Variants in UBE4A observed in about 807,000 individuals in gnomAD.
UBE4A encodes ubiquitination factor E4A.
In UBE4A, 48 loss-of-function variants were observed where a neutral mutation model predicts 117.9. The ratio of observed to expected loss-of-function variants is 0.41; its 90% CI spans 0.32 to 0.52. The LOEUF is 0.52. Among genes scored for constraint, UBE4A ranks in the 20% least tolerant of loss-of-function variants. The pLI is 0.33. For missense variants in UBE4A, 1,067 were observed against 1,296.3 expected (o/e 0.82, Z 2.72); for synonymous variants, 407 against 450.0 (o/e 0.90, Z 1.21).
intron 11 of UBE4A, among the ~76,000 whole-genome samples, chr11:118,381,188 A>G (rs1948702110): frequency 6.6e-6 from 1 of 152,216 alleles, no homozygotes; most frequent in Non-Finnish European, 1.5e-5. Flanking sequence ...TACTGTTCAT[A>G]TATTTACTTG....
chr11:118,379,655 TA>T lies in UBE4A; in HGVS notation c.1782del (p.Leu595TrpfsTer6). On this transcript the variant is annotated frameshift_variant, in exon 11 of 20. Transcript: ENST00000252108. LOFTEE classifies it high-confidence loss of function. ...AACTTGCAGGTGTCCATGGCTGTTC[TA>T]CTGGTTCAACTGGCCATAGGCAATG... ...CLNLQVSMAV[L>X]LVQLAIGNEG... 1 of 1,614,244 alleles carries T rather than the reference TA, an allele frequency of 6.2e-7. No individual in the cohort carries two copies. The highest frequency in any genetic ancestry group is 8.5e-7 in the Non-Finnish European group (1 of 1,180,034).
chr11:118,377,015 TG>T (rs1948658463), intron 10 of UBE4A, among the ~76,000 whole-genome samples: 2 of 151,964 alleles, frequency 1.3e-5, no homozygotes, highest in South Asian at 4.1e-4. Flanking sequence ...ATTGTGCAAC[TG>T]TACTCCATCC....
At position 118,367,219 on chromosome 11, in the gene UBE4A, TG is replaced by T. The variant is rs1948571030; in HGVS notation, c.122-1409del. Among the ~76,000 whole-genome samples the T allele has an allele frequency of 2.9e-5, 4 of 138,462 alleles. No homozygotes were observed. The South Asian group carries it at 9.4e-4, about 33-fold the overall frequency. The allele number at this position is 138,462 out of a possible 152,430, so 90.8% of individuals were successfully genotyped here. On this transcript the variant is annotated intron_variant, in intron 2 of 19. Coordinates refer to ENST00000252108, the MANE Select transcript of UBE4A (RefSeq NM_001204077.2). ...CATCTCAAAAAAAAAAATCAAAGGA[TG>T]GGAGCAGATTTTGAGGACAGAAGTT...
chr11:118,381,660 C>T, intron 12 of UBE4A, 137 bp downstream of exon 12: 1 of 1,162,832 alleles, frequency 8.6e-7, no homozygotes, highest in East Asian at 2.4e-5. Flanking sequence ...AATCACCTGA[C>T]CATCCATATG....
At chr11:118,365,738 G>T (rs1396136407) in intron 2 of UBE4A, among the ~76,000 whole-genome samples, 1 of 152,216 alleles carries the variant, frequency 6.6e-6, no homozygotes, top group Non-Finnish European at 1.5e-5. Context: ...GGCATCATTT[G>T]TAGCTTAGTC....
rs2134092806 is a variant in UBE4A, at chr11:118,373,642, C to T, written c.1073C>T (p.Ser358Phe). ...NHGYFLNPSR[S>F]SPQEIKVQEA... Reference sequence around the variant, plus strand: ...GGCTACTTTTTGAATCCATCTCGTTCCAGCCCCCAGGAGATCAAAGTACAG... The same window carrying T: ...GGCTACTTTTTGAATCCATCTCGTTTCAGCCCCCAGGAGATCAAAGTACAG... The change falls in exon 8 of 20, where the codon TCC (serine) becomes TTC (phenylalanine). Residue 358 changes from serine (S) to phenylalanine (F), a missense_variant. By Grantham distance (155) the Ser-to-Phe change is radical. This residue lies in a region of UBE4A where 1,001 missense variants were observed against 1,184.0 expected (regional missense o/e 0.85). Transcript: ENST00000252108. 6.2e-7 allele frequency: 1 copy of T among 1,614,138 alleles called. No individual in the cohort carries two copies. Among genetic ancestry groups the T allele is most frequent in the Non-Finnish European group, 8.5e-7 (1 of 1,180,020 alleles).
rs753747653 is a variant in UBE4A at position 118,373,253 on chromosome 11, C to A, written c.889C>A (p.Leu297Ile). ...CCTTTTGTATGCATATCTGGATATT[C>A]TTCTCTATTTCACTAGGCAAAAAGA... ...QILLYAYLDI[L>I]LYFTRQKDMA... The change falls in exon 7 of 20, where the codon CTT becomes ATT. Residue 297 changes from leucine (L) to isoleucine (I), a missense_variant. Physicochemically the swap from Leu to Ile is conservative, Grantham distance 5 (BLOSUM62 2). Coordinates refer to ENST00000252108, the MANE Select transcript of UBE4A (RefSeq NM_001204077.2). 5.0e-6 allele frequency: 8 copies of A among 1,612,940 alleles called. No homozygotes were observed. Among genetic ancestry groups the A allele is most frequent in the Middle Eastern group, 1.9e-4 (1 of 5,316 alleles).
chr11:118,367,549 C>G (rs1028258553), intron 2 of UBE4A, among the ~76,000 whole-genome samples: 5 of 127,788 alleles, frequency 3.9e-5, no homozygotes, highest in South Asian at 2.5e-4. Flanking sequence ...GAGACGAAGT[C>G]TTGCTCTGTC....
chr11:118,362,864 C>A lies in UBE4A; in HGVS notation c.-41-2176C>A, dbSNP rs146024799. On this transcript the variant is annotated intron_variant, in intron 1 of 19. Transcript: ENST00000252108. ...TGCTTTGGCTGGAAAATGCTGTATT[C>A]TTTTTAGCCTGGCCAGACTTGTATG... is the stretch of plus-strand genomic sequence containing the variant. Among the ~76,000 whole-genome samples the A allele has an allele frequency of 3.6e-4, 55 of 152,298 alleles. 1 individual carries two copies. Among genetic ancestry groups the A allele is most frequent in the African/African-American group, 1.0e-3 (43 of 41,568 alleles).
At chr11:118,392,596 G>T in intron 18 of UBE4A, 142 bp from the exon 19 acceptor site, 1 of 704,958 alleles carries the variant, frequency 1.4e-6, no homozygotes. Flanking sequence ...AGAAAATGAA[G>T]CTCACGTGTG....
rs368527058 is a variant in UBE4A, at chr11:118,368,621, T to C, written c.122-10T>C. On this transcript the variant is annotated splice_polypyrimidine_tract_variant and intron_variant, in intron 2 of 19. Coordinates refer to ENST00000252108, the MANE Select transcript of UBE4A (RefSeq NM_001204077.2). ...GGGTGTAACATTTAACAGTATACAT[T>C]TTCTGGCAGATGAACTCCCAGCTAG... 151 of 1,613,884 alleles carry C rather than the reference T, an allele frequency of 9.4e-5. No homozygotes were observed. In the Middle Eastern group the frequency reaches 4.3e-3, roughly 46 times the overall value.
chr11:118,377,381 A>T (rs530598461), intron 10 of UBE4A, among the ~76,000 whole-genome samples: 1 of 151,632 alleles, frequency 6.6e-6, no homozygotes, highest in African/African-American at 2.4e-5. Context: ...CTGATTTTGT[A>T]TTTTTTTAGT....
In UBE4A at chr11:118,369,539, A is replaced by ATATTC. The variant is rs780076069; in HGVS notation, c.408+6_408+10dup. 20 of 1,611,684 alleles carry ATATTC rather than the reference A, an allele frequency of 1.2e-5. No individual in the cohort carries two copies. The highest frequency in any genetic ancestry group is 1.6e-5 in the Non-Finnish European group (19 of 1,177,846). On this transcript the variant is annotated splice_donor_region_variant and intron_variant, in intron 4 of 19. Transcript: ENST00000252108. The stretch of plus-strand genomic sequence containing the variant: ...TGATATGAGCAATGTTGAGCAGGTA[A>ATATTC]TATTCTTACGTTCCTAATGTGTGCC...
chr11:118,370,470 A>G (rs2134090193), intron 4 of UBE4A, among the ~76,000 whole-genome samples: 1 of 152,144 alleles, frequency 6.6e-6, no homozygotes, highest in East Asian at 1.9e-4. Context: ...AAATACAAAG[A>G]ATTAACTGGG....
At chr11:118,374,258 T>A (rs1948632533) in intron 8 of UBE4A, among the ~76,000 whole-genome samples, 1 of 152,200 alleles carries the variant, frequency 6.6e-6, no homozygotes, top group African/African-American at 2.4e-5. Flanking sequence ...GAGCTATAAC[T>A]TTAGCTCTGA....
chr11:118,384,591 T>TA (rs782453072), intron 13 of UBE4A, 44 bp from the exon 14 acceptor site: 12 of 1,557,008 alleles, frequency 7.7e-6, no homozygotes, highest in Non-Finnish European at 1.1e-5. Flanking sequence ...CTCTTCCTCT[T>TA]ATGGCACCGC....
At chr11:118,394,832 A>G (rs1278443215) in intron 19 of UBE4A, among the ~76,000 whole-genome samples, 4 of 149,882 alleles carry the variant, frequency 2.7e-5, no homozygotes, top group African/African-American at 9.8e-5. Context: ...TTAGCCAAGT[A>G]TAATGGCACA....
chr11:118,376,589 C>G lies in UBE4A; in HGVS notation c.1466C>G (p.Thr489Ser), dbSNP rs782189041. Reference sequence around the variant, plus strand: ...CTTCTTTGAGGTTTGGACAAAGAAACCTGTTTGATCCCAGCTGTGCAGGAG... The same window carrying G: ...CTTCTTTGAGGTTTGGACAAAGAAAGCTGTTTGATCCCAGCTGTGCAGGAG... The part of the protein sequence containing the change: ...NVHMRGLDKE[T>S]CLIPAVQEPK... The change falls in exon 10 of 20, where the codon ACC becomes AGC. Residue 489 changes from threonine (T) to serine (S), a missense_variant. Around this residue, in one of 3 missense-constraint regions of UBE4A, gnomAD observed 1,001 missense variants for 1,184.0 expected, o/e 0.85. Transcript: ENST00000252108. The G allele has an allele frequency of 7.4e-6, 12 of 1,612,972 alleles. No individual in the cohort carries two copies. The highest frequency in any genetic ancestry group is 1.3e-5 in the African/African-American group (1 of 74,728).
chr11:118,393,012 T>C, intron 19 of UBE4A, 117 bp downstream of exon 19: 1 of 1,016,698 alleles, frequency 9.8e-7, no homozygotes, highest in Non-Finnish European at 1.4e-6. Flanking sequence ...ATTATTGATT[T>C]ACTGATATGT....
Sources: allele counts gnomAD v4.1 joint callset (sites outside exome capture counted in the v4.1 genomes callset), GRCh38; gene constraint gnomAD v4.1.1; regional missense constraint gnomAD v4.1.1; transcripts MANE v1.5; gene names NCBI Gene and HGNC (gene_info 2026-07-23, HGNC 2026-07-21).